Variants in TIPRL observed in about 807,000 individuals in gnomAD.
TIPRL encodes the protein TIP41-like protein.
A neutral mutation model predicts 32.3 loss-of-function variants in TIPRL; 10 were observed. That is an observed-to-expected ratio of 0.31 (90% CI 0.19 to 0.52). The LOEUF is 0.52. Among genes scored for constraint, TIPRL ranks in the 20% least tolerant of loss-of-function variants. The pLI, the probability that TIPRL is intolerant of heterozygous loss-of-function variation, is 0.96. For synonymous variants in TIPRL, 100 were observed against 114.0 expected (o/e 0.88, Z 0.78); for missense variants, 250 against 328.1 (o/e 0.76, Z 1.84).
At chr1:168,198,738 T>C (rs890230356) in intron 5 of TIPRL, among the ~76,000 whole-genome samples, 181 bp from the exon 6 acceptor site, 24 of 152,166 alleles carry the variant, frequency 1.6e-4, no homozygotes, top group African/African-American at 5.5e-4. Context: ...GTATAGAAAT[T>C]GGAAATAATA....
intron 3 of TIPRL, 119 bp downstream of exon 3, chr1:168,184,997 G>A (rs1700010016): frequency 4.8e-6 from 3 of 630,690 alleles, no homozygotes; most frequent in African/African-American, 1.9e-5. Flanking sequence ...TTTCTGTTGT[G>A]GCATTCCTCA....
chr1:168,184,489 A>G (rs993388884), intron 2 of TIPRL, among the ~76,000 whole-genome samples: 1 of 152,234 alleles, frequency 6.6e-6, no homozygotes, highest in Admixed American at 6.5e-5. Flanking sequence ...GCAATTATTT[A>G]CTTTGTGCCT....
At chr1:168,188,692 C>G (rs988683816) in intron 3 of TIPRL, among the ~76,000 whole-genome samples, 2 of 152,120 alleles carry the variant, frequency 1.3e-5, no homozygotes, top group African/African-American at 4.8e-5. Context: ...AGATAAGAAG[C>G]TCTGAGGCTG....
At chr1:168,194,249 C>T (rs1244406275) in intron 4 of TIPRL, among the ~76,000 whole-genome samples, 1 of 152,086 alleles carries the variant, frequency 6.6e-6, no homozygotes, top group East Asian at 1.9e-4. Flanking sequence ...CAGGACTGGA[C>T]TTTGTTGTAT....
intron 3 of TIPRL, among the ~76,000 whole-genome samples, chr1:168,188,997 A>G (rs1700061862): frequency 6.6e-6 from 1 of 151,272 alleles, no homozygotes; most frequent in Admixed American, 6.6e-5. Flanking sequence ...AAAAAAAAAA[A>G]GTTCTGAAAT....
intron 3 of TIPRL, among the ~76,000 whole-genome samples, chr1:168,187,063 T>C (rs115412841): frequency 1.1e-3 from 173 of 152,344 alleles, no homozygotes; most frequent in African/African-American, 3.9e-3. Context: ...TCAACAGATA[T>C]TTCTTGAGCT....
intron 3 of TIPRL, among the ~76,000 whole-genome samples, chr1:168,188,951 A>G (rs1700061138): frequency 6.6e-6 from 1 of 151,350 alleles, no homozygotes; most frequent in South Asian, 2.1e-4. Flanking sequence ...ACTGCATTCC[A>G]GCCTGGGCAA....
chr1:168,179,270 T>G, intron 1 of TIPRL, 89 bp downstream of exon 1: 1 of 1,170,290 alleles, frequency 8.5e-7, no homozygotes. Context: ...CCCTCCCCTT[T>G]TCCCTGAGGC....
chr1:168,200,029 A>T lies in TIPRL; in HGVS notation c.802A>T (p.Ser268Cys). 6.2e-7 allele frequency: 1 copy of T among 1,613,424 alleles called. No individual in the cohort carries two copies. The stretch of plus-strand genomic sequence containing the variant: ...TCCTAACCCAGCAGACTCACAAAAA[A>T]GTACACAAGTGGAATAAAATGTGAT... ...IDPNPADSQK[S>C]TQVE Residue 268 changes from serine to cysteine, a missense_variant, in exon 7 of 7, where the codon AGT (serine) becomes TGT (cysteine). Ser to Cys is a moderately radical substitution (Grantham distance 112). Coordinates refer to ENST00000367833, the MANE Select transcript of TIPRL (RefSeq NM_152902.5).
chr1:168,180,858 T>G (rs1260063208), intron 1 of TIPRL, among the ~76,000 whole-genome samples: 2 of 144,434 alleles, frequency 1.4e-5, no homozygotes, highest in African/African-American at 5.1e-5. Context: ...GAGACGGAGT[T>G]TCTGCATTTT....
chr1:168,199,782 A>G, intron 6 of TIPRL, 121 bp from the exon 7 acceptor site: 1 of 869,966 alleles, frequency 1.1e-6, no homozygotes, highest in South Asian at 1.8e-5. Flanking sequence ...TTAGGAGCAC[A>G]TATGCATATA....
chr1:168,198,198 T>C (rs1433948781), intron 5 of TIPRL, among the ~76,000 whole-genome samples: 1 of 152,188 alleles, frequency 6.6e-6, no homozygotes, highest in East Asian at 1.9e-4. Context: ...GTATTAAAGA[T>C]AGTGTTACCT....
At chr1:168,182,574 C>G (rs1020980376) in intron 1 of TIPRL, among the ~76,000 whole-genome samples, 1 of 152,052 alleles carries the variant, frequency 6.6e-6, no homozygotes, top group African/African-American at 2.4e-5. Flanking sequence ...TGCAGTGAGC[C>G]AAGATCGTGC....
intron 1 of TIPRL, among the ~76,000 whole-genome samples, chr1:168,182,271 CTT>C (rs1411152180): frequency 6.6e-6 from 1 of 152,064 alleles, no homozygotes; most frequent in Non-Finnish European, 1.5e-5. Flanking sequence ...AGCTTCCTGT[CTT>C]CTCTCCTTGT....
At chr1:168,183,107 A>G (rs1311759745) in intron 1 of TIPRL, among the ~76,000 whole-genome samples, 1 of 152,140 alleles carries the variant, frequency 6.6e-6, no homozygotes, top group East Asian at 1.9e-4. Flanking sequence ...CTATTTTATC[A>G]TAAGCATTTT....
At chr1:168,188,856 G>A (rs969484219) in intron 3 of TIPRL, among the ~76,000 whole-genome samples, 1 of 152,120 alleles carries the variant, frequency 6.6e-6, no homozygotes, top group African/African-American at 2.4e-5. Context: ...TGGCATGTGT[G>A]TGTAATCCTC....
chr1:168,185,424 A>G (rs1413530668), intron 3 of TIPRL, among the ~76,000 whole-genome samples: 1 of 152,196 alleles, frequency 6.6e-6, no homozygotes. Context: ...GAAGCTCTCA[A>G]TAAATTCTAA....
chr1:168,198,839 T>C (rs1471005061), intron 5 of TIPRL, 80 bp from the exon 6 acceptor site: 8 of 1,240,252 alleles, frequency 6.5e-6, no homozygotes, highest in Non-Finnish European at 9.2e-6. Flanking sequence ...TCCTAAAATG[T>C]AGGCAGTCTG....
At chr1:168,193,118 G>A (rs1011960998) in intron 4 of TIPRL, among the ~76,000 whole-genome samples, 7 of 152,248 alleles carry the variant, frequency 4.6e-5, no homozygotes, top group African/African-American at 1.7e-4. Context: ...AGCCCAGGAG[G>A]TCAAGGCTAC....
Sources: gnomAD v4.1 joint callset for allele counts (sites outside exome capture counted in the v4.1 genomes callset) on GRCh38, gnomAD v4.1.1 for gene constraint, MANE v1.5 for transcripts, NCBI Gene and HGNC (gene_info 2026-07-23, HGNC 2026-07-21) for gene names.